OR2M4: variants seen among roughly 807,000 people sequenced by gnomAD.
The protein encoded by OR2M4 is olfactory receptor 2M4.
A neutral mutation model predicts 13.7 loss-of-function variants in OR2M4; 8 were observed. The ratio of observed to expected loss-of-function variants is 0.58; its 90% CI spans 0.34 to 1.05. OR2M4 has a LOEUF of 1.05. OR2M4 is among the 50% of genes least tolerant of loss of function. The pLI is 0.02. For synonymous variants in OR2M4, 152 were observed against 141.3 expected, an observed-to-expected ratio of 1.08 and a Z score of -0.53; for missense variants, 374 against 381.6, an observed-to-expected ratio of 0.98 and a Z score of 0.17.
At chr1:248,236,687 AAGAG>A (rs1227998725) in intron 1 of OR2M4, among the ~76,000 whole-genome samples, 1 of 152,176 alleles carries the variant, frequency 6.6e-6, no homozygotes, top group African/African-American at 2.4e-5. Flanking sequence ...ATAAAGAAGA[AAGAG>A]AGAATAATCA....
Position 248,239,440 on chromosome 1 carries a change from C to G in OR2M4, c.512C>G (p.Ser171Cys). The change falls in exon 2 of 2, where the codon TCT becomes TGT. Residue 171 changes from serine (S) to cysteine (C), a missense_variant. Transcript: ENST00000641868. Reference sequence around the variant, plus strand: ...GTCCTGTCATTTTCTTACTGCAGCTCTCTGGAAATTCATCACTTTTTCTGT... The same window carrying G: ...GTCCTGTCATTTTCTTACTGCAGCTGTCTGGAAATTCATCACTTTTTCTGT... The part of the protein sequence containing the change: ...AAVLSFSYCS[S>C]LEIHHFFCDV... The G allele has an allele frequency of 6.2e-7, 1 of 1,614,086 alleles. No individual in the cohort carries two copies. The highest frequency in any genetic ancestry group is 8.5e-7 in the Non-Finnish European group (1 of 1,180,010).
At chr1:248,234,584 G>A (rs1265274301) in intron 1 of OR2M4, among the ~76,000 whole-genome samples, 2 of 152,118 alleles carry the variant, frequency 1.3e-5, no homozygotes, top group Admixed American at 1.3e-4. Flanking sequence ...TAGGTTGCCT[G>A]TTTGCCCTGA....
chr1:248,243,034 T>G lies in OR2M4; in HGVS notation c.*3170T>G, dbSNP rs569001535. 1.7e-3 allele frequency: 258 copies of G among 152,304 alleles called. 1 individual carries two copies. The highest frequency in any genetic ancestry group is 6.0e-3 in the African/African-American group (250 of 41,562). The allele number at this position is 152,304 out of a possible 1,614,324, so 9.4% of individuals were successfully genotyped here. ...ATTTAGTGATGAAAAATGTTTTGAGTATGTTTGGGACATTGCGTATATGTG... is the reference window on the plus strand; with the variant it reads ...ATTTAGTGATGAAAAATGTTTTGAGGATGTTTGGGACATTGCGTATATGTG... On this transcript the variant is annotated 3_prime_UTR_variant, in exon 2 of 2. Coordinates refer to ENST00000641868, the MANE Select transcript of OR2M4 (RefSeq NM_017504.2).
Position 248,244,197 on chromosome 1 carries a change from G to A in OR2M4, c.*4333G>A, listed in dbSNP as rs1307750645. 5 of 152,098 alleles carry A rather than the reference G, an allele frequency of 3.3e-5. No individual in the cohort carries two copies. Among genetic ancestry groups the A allele is most frequent in the Admixed American group, 6.6e-5 (1 of 15,260 alleles). The allele number at this position is 152,098 out of a possible 1,614,324, so 9.4% of individuals were successfully genotyped here. On this transcript the variant is annotated 3_prime_UTR_variant, in exon 2 of 2. Coordinates refer to ENST00000641868, the MANE Select transcript of OR2M4 (RefSeq NM_017504.2). ...TACTTGACCCAGGAATGCTATTACT[G>A]GGGATACATCCAAAAGAAAATAAAT...
rs534785003 is a variant in OR2M4, at chr1:248,240,472, G to A, written c.*608G>A. 6.6e-6 allele frequency: 1 copy of A among 152,198 alleles called. No individual in the cohort carries two copies. The highest frequency in any genetic ancestry group is 2.4e-5 in the African/African-American group (1 of 41,516). 9.4% of individuals were successfully genotyped at this position (152,198 alleles called of 1,614,324 possible). A position where few individuals can be genotyped will look rare whatever the true frequency, so the allele number is the denominator to read the frequency against. On this transcript the variant is annotated 3_prime_UTR_variant, in exon 2 of 2. Coordinates refer to ENST00000641868, the MANE Select transcript of OR2M4 (RefSeq NM_017504.2). Reference sequence around the variant, plus strand: ...ATGCTAATAAAATTAAATATTTTAAGGAGTCCACATAAAATATCTATTTGG... The same window carrying A: ...ATGCTAATAAAATTAAATATTTTAAAGAGTCCACATAAAATATCTATTTGG...
rs1315971352 is a variant in OR2M4, at chr1:248,239,069, C to T, written c.141C>T (p.Leu47=). 2 of 1,614,056 alleles carry T rather than the reference C, an allele frequency of 1.2e-6. No individual in the cohort carries two copies. Among genetic ancestry groups the T allele is most frequent in the Non-Finnish European group, 1.7e-6 (2 of 1,179,990 alleles). ...LALMENISMV[L]LIYIEKQLHT... The stretch of plus-strand genomic sequence containing the variant: ...TGATGGAAAATATTTCCATGGTTCT[C>T]CTCATCTACATAGAGAAACAGCTCC... Residue 47 remains leucine (L), a synonymous_variant, in exon 2 of 2, where the codon CTC becomes CTT. Transcript: ENST00000641868.
At chr1:248,233,121 GT>G (rs1313970801) in intron 1 of OR2M4, among the ~76,000 whole-genome samples, 2 of 152,080 alleles carry the variant, frequency 1.3e-5, no homozygotes, top group Non-Finnish European at 2.9e-5. Flanking sequence ...CTGTTATTTA[GT>G]TTTCCTGCTT....
chr1:248,234,420 A>G (rs1666536383), intron 1 of OR2M4, among the ~76,000 whole-genome samples: 1 of 152,018 alleles, frequency 6.6e-6, no homozygotes, highest in Non-Finnish European at 1.5e-5. Flanking sequence ...CCTCACATGC[A>G]TTAAGTATTA....
At chr1:248,233,526 G>T (rs75995483) in intron 1 of OR2M4, among the ~76,000 whole-genome samples, 1 of 151,598 alleles carries the variant, frequency 6.6e-6, no homozygotes, top group Non-Finnish European at 1.5e-5. Context: ...TTTCTTAGTG[G>T]AATAAAAAAT....
rs181390496 is a variant in OR2M4, at chr1:248,241,194, C to G, written c.*1330C>G. The G allele has an allele frequency of 6.6e-6, 1 of 152,282 alleles. No homozygotes were observed. Among genetic ancestry groups the G allele is most frequent in the East Asian group, 1.9e-4 (1 of 5,176 alleles). The allele number at this position is 152,282 out of a possible 1,614,324, so 9.4% of individuals were successfully genotyped here. A position where few individuals can be genotyped will look rare whatever the true frequency, so the allele number is the denominator to read the frequency against. The stretch of plus-strand genomic sequence containing the variant: ...TGCTGGCATCACCCTTGCCTAACCT[C>G]AGGCTGCACAGCTCATGGCTCCAAA... On this transcript the variant is annotated 3_prime_UTR_variant, in exon 2 of 2. Transcript: ENST00000641868.
rs543016362 is a variant in OR2M4, at chr1:248,243,412, G to A, written c.*3548G>A. On this transcript the variant is annotated 3_prime_UTR_variant, in exon 2 of 2. Transcript: ENST00000641868. ...CTGTCCGGTGGGGGTTGAGAGAGAT[G>A]CCTCCTTACCAGGACGACTCCTGAG... The A allele has an allele frequency of 6.6e-6, 1 of 152,090 alleles. No homozygotes were observed. The highest frequency in any genetic ancestry group is 2.4e-5 in the African/African-American group (1 of 41,396). The allele number at this position is 152,090 out of a possible 1,614,324, so 9.4% of individuals were successfully genotyped here.
chr1:248,235,482 A>G (rs1476287111), intron 1 of OR2M4, among the ~76,000 whole-genome samples: 1 of 152,178 alleles, frequency 6.6e-6, no homozygotes, highest in South Asian at 2.1e-4. Context: ...TGACTTGGCT[A>G]CATGGGCTTC....
At position 248,244,332 on chromosome 1, in the gene OR2M4, T is replaced by C. The variant is rs1274606007; in HGVS notation, c.*4468T>C. On this transcript the variant is annotated 3_prime_UTR_variant, in exon 2 of 2. Transcript: ENST00000641868. Reference sequence around the variant, plus strand: ...GATTGGATAAAGAAAATGTAGCACATAAACACCACAGAGTGCTACATAGCC... The same window carrying C: ...GATTGGATAAAGAAAATGTAGCACACAAACACCACAGAGTGCTACATAGCC... The C allele has an allele frequency of 1.3e-5, 2 of 152,128 alleles. No individual in the cohort carries two copies. The highest frequency in any genetic ancestry group is 2.9e-5 in the Non-Finnish European group (2 of 68,018). 9.4% of individuals were successfully genotyped at this position (152,128 alleles called of 1,614,324 possible).
chr1:248,239,806 G>T lies in OR2M4; in HGVS notation c.878G>T (p.Arg293Leu), dbSNP rs371325030. 5 of 1,613,802 alleles carry T rather than the reference G, an allele frequency of 3.1e-6. No homozygotes were observed. Among genetic ancestry groups the T allele is most frequent in the Non-Finnish European group, 4.2e-6 (5 of 1,179,932 alleles). The change falls in exon 2 of 2, where the codon CGC (arginine) becomes CTC (leucine). Residue 293 changes from arginine to leucine, a missense_variant. Physicochemically the swap from Arg to Leu is moderately radical, Grantham distance 102 (BLOSUM62 -2). Transcript: ENST00000641868. Reference sequence around the variant, plus strand: ...CTGAACCCTCTCATTTATAGCCTCCGCAACAAAGAAGTGTTCAGGGCACTA... The same window carrying T: ...CTGAACCCTCTCATTTATAGCCTCCTCAACAAAGAAGTGTTCAGGGCACTA... ...PMLNPLIYSL[R>L]NKEVFRALQK...
At chr1:248,234,325 G>A (rs1440976522) in intron 1 of OR2M4, among the ~76,000 whole-genome samples, 1 of 151,372 alleles carries the variant, frequency 6.6e-6, no homozygotes. Flanking sequence ...CAGGATACAT[G>A]TGCAGAACAT....
chr1:248,233,300 T>A (rs1666522033), intron 1 of OR2M4, among the ~76,000 whole-genome samples: 1 of 152,128 alleles, frequency 6.6e-6, no homozygotes. Context: ...CATTAAGATG[T>A]AACAGAATCT....
intron 1 of OR2M4, among the ~76,000 whole-genome samples, chr1:248,233,505 C>A (rs961638370): frequency 6.6e-6 from 1 of 151,994 alleles, no homozygotes; most frequent in Admixed American, 6.6e-5. Flanking sequence ...AAAACTACTA[C>A]CTGCTTAGTA....
chr1:248,234,390 C>T (rs1666536055), intron 1 of OR2M4, among the ~76,000 whole-genome samples: 1 of 151,968 alleles, frequency 6.6e-6, no homozygotes, highest in Admixed American at 6.6e-5. Flanking sequence ...CACCTATCAA[C>T]CCGTCACCTA....
In OR2M4 at chr1:248,239,079, A is replaced by G. The variant is rs1443224047; in HGVS notation, c.151A>G (p.Ile51Val). 17 of 1,613,876 alleles carry G rather than the reference A, an allele frequency of 1.1e-5. No individual in the cohort carries two copies. Among genetic ancestry groups the G allele is most frequent in the Admixed American group, 1.7e-5 (1 of 59,984 alleles). The change falls in exon 2 of 2, where the codon ATA (isoleucine) becomes GTA (valine). Residue 51 changes from isoleucine to valine, a missense_variant. By Grantham distance (29) the Ile-to-Val change is conservative. Transcript: ENST00000641868. ...ENISMVLLIY[I>V]EKQLHTPMYF... Reference sequence around the variant, plus strand: ...TATTTCCATGGTTCTCCTCATCTACATAGAGAAACAGCTCCACACCCCCAT... The same window carrying G: ...TATTTCCATGGTTCTCCTCATCTACGTAGAGAAACAGCTCCACACCCCCAT...
Sources: gnomAD v4.1 joint callset for allele counts (sites outside exome capture counted in the v4.1 genomes callset) on GRCh38, gnomAD v4.1.1 for gene constraint, MANE v1.5 for transcripts, NCBI Gene and HGNC (gene_info 2026-07-23, HGNC 2026-07-21) for gene names.